The following ERBB4 variants were observed in gnomAD, a reference collection of about 807,000 sequenced individuals.
ERBB4 encodes erb-b2 receptor tyrosine kinase 4.
In ERBB4, 42 loss-of-function variants were observed where a neutral mutation model predicts 158.0. The ratio of observed to expected loss-of-function variants is 0.27; its 90% CI spans 0.21 to 0.34. ERBB4 has a LOEUF of 0.34. Ranked by LOEUF, ERBB4 falls within the 10% of genes least tolerant of loss-of-function variation. The probability of loss-of-function intolerance (pLI) is 1.00; values close to 1 mark genes in which losing one functional copy is unlikely to be tolerated. For missense variants in ERBB4, 1,333 were observed against 1,624.1 expected (o/e 0.82, Z 3.08); for synonymous variants, 583 against 558.7 (o/e 1.04, Z -0.61).
chr2:211,979,759 C>T (rs2081736660), intron 2 of ERBB4, among the ~76,000 whole-genome samples: 1 of 152,110 alleles, frequency 6.6e-6, no homozygotes, highest in Admixed American at 6.6e-5. Context: ...CTTCCATGAA[C>T]ACATGCTCCA....
chr2:212,021,255 G>A (rs893694916), intron 2 of ERBB4, among the ~76,000 whole-genome samples: 1 of 152,078 alleles, frequency 6.6e-6, no homozygotes, highest in African/African-American at 2.4e-5. Context: ...TGATGCCTAA[G>A]TCTTAATGCA....
At chr2:212,179,115 T>C (rs2081771370) in intron 1 of ERBB4, among the ~76,000 whole-genome samples, 1 of 151,682 alleles carries the variant, frequency 6.6e-6, no homozygotes, top group Non-Finnish European at 1.5e-5. Context: ...ATAGAATCAT[T>C]ATACTGGAGT....
chr2:211,996,379 T>C (rs1004477334), intron 2 of ERBB4, among the ~76,000 whole-genome samples: 1 of 152,136 alleles, frequency 6.6e-6, no homozygotes, highest in Non-Finnish European at 1.5e-5. Flanking sequence ...TGTTGGGCAA[T>C]ATTCAAAATT....
chr2:212,284,664 T>C (rs2085891201), intron 1 of ERBB4, among the ~76,000 whole-genome samples: 1 of 152,148 alleles, frequency 6.6e-6, no homozygotes, highest in Non-Finnish European at 1.5e-5. Flanking sequence ...GTGTATTCCA[T>C]AGCATGAAAT....
intron 1 of ERBB4, among the ~76,000 whole-genome samples, chr2:212,507,313 T>G (rs1166186069): frequency 6.6e-6 from 1 of 152,060 alleles, no homozygotes. Context: ...AATGCTGTTT[T>G]CATGCCTGGT....
chr2:211,720,572 C>T (rs1034702195), intron 7 of ERBB4, among the ~76,000 whole-genome samples: 2 of 152,156 alleles, frequency 1.3e-5, no homozygotes, highest in African/African-American at 2.4e-5. Context: ...TTCAGTTCAC[C>T]GTGCTGGATC....
intron 8 of ERBB4, among the ~76,000 whole-genome samples, chr2:211,712,494 A>G (rs1046237179): frequency 2.6e-5 from 4 of 152,122 alleles, no homozygotes; most frequent in Non-Finnish European, 2.9e-5. Context: ...ACTCCTCCTA[A>G]CAACATAAAA....
At chr2:212,452,049 T>G (rs1016534620) in intron 1 of ERBB4, among the ~76,000 whole-genome samples, 2 of 151,770 alleles carry the variant, frequency 1.3e-5, no homozygotes, top group African/African-American at 4.8e-5. Flanking sequence ...CAGAGGCAGT[T>G]ACTATCATTC....
intron 1 of ERBB4, among the ~76,000 whole-genome samples, chr2:212,398,055 T>C (rs1574844915): frequency 6.6e-6 from 1 of 151,828 alleles, no homozygotes; most frequent in Non-Finnish European, 1.5e-5. Flanking sequence ...AATAAACTCA[T>C]ATATATATAA....
chr2:212,334,992 A>T (rs1038134908), intron 1 of ERBB4, among the ~76,000 whole-genome samples: 1 of 152,004 alleles, frequency 6.6e-6, no homozygotes, highest in African/African-American at 2.4e-5. Context: ...TCTTGAAAAA[A>T]ATATATTTTA....
intron 1 of ERBB4, among the ~76,000 whole-genome samples, chr2:212,374,160 C>T (rs755595982): frequency 2.7e-5 from 4 of 148,888 alleles, no homozygotes; most frequent in Non-Finnish European, 5.9e-5. Flanking sequence ...ACTGCAAACA[C>T]GTGTTTATAC....
chr2:211,400,906 T>G (rs1471808847), intron 25 of ERBB4, among the ~76,000 whole-genome samples: 4 of 152,068 alleles, frequency 2.6e-5, no homozygotes, highest in South Asian at 2.1e-4. Flanking sequence ...AATATATACC[T>G]ACTATGTACC....
chr2:212,238,347 A>G (rs1462212407), intron 1 of ERBB4, among the ~76,000 whole-genome samples: 1 of 152,060 alleles, frequency 6.6e-6, no homozygotes, highest in Non-Finnish European at 1.5e-5. Flanking sequence ...CTGACCCCAT[A>G]CACTGCTGTG....
At chr2:212,286,594 C>CTTGTTTTTTTTTTTGTTTTTTTTTTTT (rs760466245) in intron 1 of ERBB4, among the ~76,000 whole-genome samples, 1 of 55,540 alleles carries the variant, frequency 1.8e-5, no homozygotes, top group Non-Finnish European at 3.6e-5. Context: ...TAAGTGCTGA[C>CTTGTTTTTTTTTTTGTTTTTTTTTTTT]TTTTTTTTTT....
intron 1 of ERBB4, among the ~76,000 whole-genome samples, chr2:212,318,941 A>G (rs1421467593): frequency 6.6e-6 from 1 of 151,564 alleles, no homozygotes; most frequent in Non-Finnish European, 1.5e-5. Flanking sequence ...AGTGGGGACC[A>G]ATCCTCACCA....
In ERBB4 at chr2:211,561,949, T is replaced by C. The variant is rs112196222; in HGVS notation, c.2441A>G (p.Asn814Ser). Reference protein sequence around the residue: ...LLEYVHEHKDNIGSQLLLNWC... With the variant: ...LLEYVHEHKDSIGSQLLLNWC... ...GTTAAGCAGCAGTTGTGATCCAATG[T>C]TATCCTTGTGCTCGTGGACATACTC... Residue 814 changes from asparagine to serine, a missense_variant, in exon 20 of 28, where the codon AAC (asparagine) becomes AGC (serine). This residue lies in a region of ERBB4 where 314 missense variants were observed against 437.6 expected (regional missense o/e 0.72). Coordinates refer to ENST00000342788, the MANE Select transcript of ERBB4 (RefSeq NM_005235.3). 6.2e-7 allele frequency: 1 copy of C among 1,614,184 alleles called. No individual in the cohort carries two copies. Among genetic ancestry groups the C allele is most frequent in the African/African-American group, 1.3e-5 (1 of 75,058 alleles).
intron 1 of ERBB4, among the ~76,000 whole-genome samples, chr2:212,491,167 A>G (rs1054381431): frequency 6.6e-6 from 1 of 151,646 alleles, no homozygotes; most frequent in Non-Finnish European, 1.5e-5. Context: ...AAACGTCTGT[A>G]TTGTTTTAGC....
At chr2:211,721,266 T>A (rs2074080404) in intron 7 of ERBB4, among the ~76,000 whole-genome samples, 1 of 151,824 alleles carries the variant, frequency 6.6e-6, no homozygotes, top group African/African-American at 2.4e-5. Context: ...AGATTTTGGA[T>A]TTTTGGATTG....
chr2:211,963,661 T>C (rs1341936410), intron 2 of ERBB4, among the ~76,000 whole-genome samples: 2 of 152,152 alleles, frequency 1.3e-5, no homozygotes, highest in African/African-American at 2.4e-5. Context: ...CTCTCCATTG[T>C]AACCTAATTT....
Sources: gnomAD v4.1 joint callset for allele counts (sites outside exome capture counted in the v4.1 genomes callset) on GRCh38, gnomAD v4.1.1 for gene constraint, gnomAD v4.1.1 regional missense constraint, MANE v1.5 for transcripts, NCBI Gene and HGNC (gene_info 2026-07-23, HGNC 2026-07-21) for gene names.